Variants in APOOL observed in about 807,000 individuals in gnomAD.
APOOL encodes apolipoprotein O like.
In APOOL, 12 loss-of-function variants were observed where a neutral mutation model predicts 23.1. The observed-to-expected ratio is 0.52, with a 90% confidence interval of 0.33 to 0.84. The LOEUF (loss-of-function observed/expected upper bound fraction) is 0.84. APOOL is among the 40% of genes least tolerant of loss of function. APOOL has a pLI of 0.02. For missense variants in APOOL, 212 were observed against 199.6 expected (o/e 1.06, Z -0.37); for synonymous variants, 77 against 69.9 (o/e 1.10, Z -0.51).
chrX:85,031,479 T>G (rs1387792078), intron 1 of APOOL, among the ~76,000 whole-genome samples: 2 of 112,035 alleles, frequency 1.8e-5, no homozygotes, highest in Admixed American at 1.9e-4. Flanking sequence ...GTTATATTTG[T>G]TAAACACCGG....
intron 1 of APOOL, among the ~76,000 whole-genome samples, chrX:85,040,509 C>T (rs1383017506): frequency 8.9e-6 from 1 of 111,941 alleles, no homozygotes; most frequent in African/African-American, 3.2e-5. Flanking sequence ...CTGTATCTTT[C>T]TCTCTGTGTT....
intron 5 of APOOL, among the ~76,000 whole-genome samples, chrX:85,066,360 T>C (rs1923458380): frequency 9.0e-6 from 1 of 111,456 alleles, no homozygotes; most frequent in East Asian, 2.8e-4. Flanking sequence ...AAGTGTTTAG[T>C]GGTGCTATCA....
intron 1 of APOOL, among the ~76,000 whole-genome samples, chrX:85,045,012 A>G (rs922050730): frequency 9.9e-5 from 11 of 111,652 alleles, no homozygotes; most frequent in African/African-American, 3.6e-4. Flanking sequence ...CATCCTTCCT[A>G]TAATATAGAG....
At chrX:85,034,947 A>G (rs1922165391) in intron 1 of APOOL, among the ~76,000 whole-genome samples, 1 of 111,889 alleles carries the variant, frequency 8.9e-6, no homozygotes, top group South Asian at 3.7e-4. Flanking sequence ...ATATGGTAAA[A>G]TAATTTATAT....
chrX:85,023,747 C>G (rs762623758), intron 1 of APOOL, among the ~76,000 whole-genome samples: 2 of 112,074 alleles, frequency 1.8e-5, no homozygotes, highest in African/African-American at 6.5e-5. Flanking sequence ...AGTAAGTCCA[C>G]CAGACAAAAT....
chrX:85,057,776 T>G (rs998173181), intron 5 of APOOL, among the ~76,000 whole-genome samples: 11 of 109,809 alleles, frequency 1.0e-4, no homozygotes, highest in Admixed American at 2.0e-4. Flanking sequence ...TCTAATTGAA[T>G]AAGTATTATA....
chrX:85,054,134 G>GA (rs1034948037), intron 3 of APOOL, among the ~76,000 whole-genome samples: 3 of 111,082 alleles, frequency 2.7e-5, no homozygotes, highest in Admixed American at 9.6e-5. Flanking sequence ...ATTTATATGA[G>GA]AAAAATGATA....
intron 1 of APOOL, among the ~76,000 whole-genome samples, chrX:85,008,479 ATGT>A (rs752415057): frequency 9.2e-6 from 1 of 109,119 alleles, no homozygotes; most frequent in African/African-American, 3.4e-5. Context: ...AGGGTTATCC[ATGT>A]TGTTGTAAAT....
intron 1 of APOOL, among the ~76,000 whole-genome samples, chrX:85,044,886 A>C (rs938812941): frequency 8.9e-6 from 1 of 111,789 alleles, no homozygotes; most frequent in African/African-American, 3.3e-5. Flanking sequence ...TAGTGTGTTG[A>C]AAAAATTCAG....
intron 1 of APOOL, among the ~76,000 whole-genome samples, chrX:85,016,725 G>A (rs756646449): frequency 1.1e-4 from 12 of 111,695 alleles, no homozygotes; most frequent in Non-Finnish European, 2.3e-4. Context: ...TGCCTGTTGG[G>A]GTATAGGTGT....
At position 85,008,535 on chromosome X, in the gene APOOL, T is replaced by TTGTGTGTGTGTGTGTGTGTGTG. The variant is rs57105866; in HGVS notation, c.15+4626_15+4647dup. ...TTTTTTATGGTTGAATGATAACCCG[T>TTGTGTGTGTGTGTGTGTGTGTG]TGTGTGTGTGTGTGTGTGTGTGTGT... On this transcript the variant is annotated intron_variant, in intron 1 of 8. Coordinates refer to ENST00000373173, the MANE Select transcript of APOOL (RefSeq NM_198450.6). Among the ~76,000 whole-genome samples, 239 of 86,123 alleles carry TTGTGTGTGTGTGTGTGTGTGTG rather than the reference T, an allele frequency of 2.8e-3. 1 individual carries two copies. Among genetic ancestry groups the TTGTGTGTGTGTGTGTGTGTGTG allele is most frequent in the African/African-American group, 7.5e-3 (173 of 23,122 alleles). The allele number at this position is 86,123 out of a possible 115,157, so 74.8% of individuals were successfully genotyped here.
intron 1 of APOOL, among the ~76,000 whole-genome samples, chrX:85,008,536 TGTGTGTGTGTG>T (rs1316239921): frequency 9.1e-5 from 1 of 10,956 alleles, no homozygotes; most frequent in African/African-American, 3.3e-4. Context: ...GATAACCCGT[TGTGTGTGTGTG>T]TGTGTGTGTG....
intron 1 of APOOL, among the ~76,000 whole-genome samples, chrX:85,038,889 T>A (rs767052575): frequency 1.8e-4 from 20 of 110,528 alleles, no homozygotes; most frequent in African/African-American, 6.6e-4. Context: ...GTTTTTCACA[T>A]CTCTATTATA....
chrX:85,011,892 A>T (rs1921299593), intron 1 of APOOL, among the ~76,000 whole-genome samples: 1 of 111,544 alleles, frequency 9.0e-6, no homozygotes, highest in Non-Finnish European at 1.9e-5. Context: ...TGATGATGAT[A>T]TTTTGATGTG....
At chrX:85,031,972 C>T (rs774115254) in intron 1 of APOOL, among the ~76,000 whole-genome samples, 27 of 111,729 alleles carry the variant, frequency 2.4e-4, no homozygotes, top group Non-Finnish European at 4.3e-4. Flanking sequence ...TCCTCTCCCA[C>T]GTTTCCACCA....
intron 8 of APOOL, among the ~76,000 whole-genome samples, chrX:85,079,764 C>T (rs2041907710): frequency 9.0e-6 from 1 of 111,503 alleles, no homozygotes; most frequent in Non-Finnish European, 1.9e-5. Flanking sequence ...GCCTCAATTT[C>T]AGAGCCTGTT....
At chrX:85,057,816 A>T (rs1000461674) in intron 5 of APOOL, among the ~76,000 whole-genome samples, 82 of 110,330 alleles carry the variant, frequency 7.4e-4, no homozygotes, top group Non-Finnish European at 1.3e-3. Context: ...ATTACAAACC[A>T]AGATCACCAT....
At chrX:85,053,636 T>C (rs1344777616) in intron 3 of APOOL, among the ~76,000 whole-genome samples, 1 of 111,538 alleles carries the variant, frequency 9.0e-6, no homozygotes, top group Non-Finnish European at 1.9e-5. Flanking sequence ...TCCTTTTTTT[T>C]CTTATCTAAG....
chrX:85,045,965 A>C (rs1025179660), intron 1 of APOOL, among the ~76,000 whole-genome samples: 1 of 111,117 alleles, frequency 9.0e-6, no homozygotes, highest in African/African-American at 3.3e-5. Flanking sequence ...TATAACATAT[A>C]GTTTATTGTG....
Sources: allele counts gnomAD v4.1 joint callset (sites outside exome capture counted in the v4.1 genomes callset), GRCh38; gene constraint gnomAD v4.1.1; transcripts MANE v1.5; gene names NCBI Gene and HGNC (gene_info 2026-07-23, HGNC 2026-07-21).